The following PFAS variants were observed in gnomAD, a reference collection of about 807,000 sequenced individuals.
The protein encoded by PFAS is phosphoribosylformylglycinamidine synthase, also known as FGAM synthase.
Under a neutral mutation model 140.6 loss-of-function variants are expected in PFAS, and 97 were observed. That is an observed-to-expected ratio of 0.69 (90% CI 0.59 to 0.82). PFAS has a LOEUF of 0.82. PFAS is among the 40% of genes least tolerant of loss of function. PFAS has a pLI of 0.00. For synonymous variants in PFAS, 679 were observed against 718.8 expected (o/e 0.94, Z 0.88); for missense variants, 1,656 against 1,780.2 (o/e 0.93, Z 1.26).
chr17:8,254,417 A>G (rs963420777), intron 3 of PFAS, 116 bp downstream of exon 3: 42 of 1,198,276 alleles, frequency 3.5e-5, no homozygotes, highest in African/African-American at 1.2e-4. Flanking sequence ...GAAACCACAC[A>G]TGTGCTTTCC....
chr17:8,253,004 A>AT (rs1251170946), intron 1 of PFAS, among the ~76,000 whole-genome samples: 1 of 152,118 alleles, frequency 6.6e-6, no homozygotes, highest in East Asian at 1.9e-4. Flanking sequence ...TCATGACCTA[A>AT]TTACGTCCCA....
rs990178087 is a variant in PFAS, at chr17:8,268,609, C to A, written c.3459C>A (p.Phe1153Leu). The change falls in exon 27 of 28, where the codon TTC becomes TTA. Residue 1153 changes from phenylalanine to leucine, a missense_variant. Around this residue, in one of 2 missense-constraint regions of PFAS, gnomAD observed 883 missense variants for 1,023.0 expected, o/e 0.86. Coordinates refer to ENST00000314666, the MANE Select transcript of PFAS (RefSeq NM_012393.3). Reference sequence around the variant, plus strand: ...GCTTCCGGAAGCGGCCAGACACCTTCAGCCTGGGCGTGTGTAATGGCTGTC... The same window carrying A: ...GCTTCCGGAAGCGGCCAGACACCTTAAGCCTGGGCGTGTGTAATGGCTGTC... ...LRRFRKRPDT[F>L]SLGVCNGCQL... The A allele has an allele frequency of 1.2e-6, 2 of 1,613,644 alleles. No individual in the cohort carries two copies. Among genetic ancestry groups the A allele is most frequent in the Non-Finnish European group, 1.7e-6 (2 of 1,180,006 alleles).
chr17:8,260,588 C>T (rs1440011035), intron 11 of PFAS, among the ~76,000 whole-genome samples: 3 of 152,204 alleles, frequency 2.0e-5, no homozygotes, highest in Admixed American at 6.5e-5. Flanking sequence ...ATGCATAATG[C>T]TGCTATGAAC....
intron 26 of PFAS, among the ~76,000 whole-genome samples, chr17:8,268,049 AATATAT>A (rs373386097): frequency 0.2 from 26,956 of 135,296 alleles, 2,923 homozygotes; most frequent in Non-Finnish European, 0.24. Flanking sequence ...TATATTTTTA[AATATAT>A]ATATATATAT....
rs1479221287 is a variant in PFAS at position 8,263,898 on chromosome 17, C to T, written c.1753C>T (p.Pro585Ser). 1 of 1,613,926 alleles carries T rather than the reference C, an allele frequency of 6.2e-7. No homozygotes were observed. The highest frequency in any genetic ancestry group is 8.5e-7 in the Non-Finnish European group (1 of 1,179,994). ...TCATGTCAGTGCCCGTGAACGTTGCCCGGCTTGCTTCGTGGGCACCATCAC... is the reference window on the plus strand; with the variant it reads ...TCATGTCAGTGCCCGTGAACGTTGCTCGGCTTGCTTCGTGGGCACCATCAC... The part of the protein sequence containing the change: ...LTHVSARERC[P>S]ACFVGTITGD... Residue 585 changes from proline (P) to serine (S), a missense_variant, in exon 15 of 28, where the codon CCG becomes TCG. Physicochemically the swap from Pro to Ser is moderately conservative, Grantham distance 74. Transcript: ENST00000314666.
At chr17:8,252,497 G>A (rs547052049) in intron 1 of PFAS, among the ~76,000 whole-genome samples, 38 of 148,476 alleles carry the variant, frequency 2.6e-4, no homozygotes, top group African/African-American at 8.7e-4. Flanking sequence ...TCCGCCTCCC[G>A]GGTTCGAGTG....
Position 8,263,885 on chromosome 17 carries a change from C to T in PFAS, c.1740C>T (p.Ala580=). Residue 580 remains alanine (A), a synonymous_variant, in exon 15 of 28, where the codon GCC becomes GCT. Transcript: ENST00000314666. The part of the protein sequence containing the change: ...PNRDFLTHVS[A]RERCPACFVG... ...GGGACTTCCTGACTCATGTCAGTGC[C>T]CGTGAACGTTGCCCGGCTTGCTTCG... 1 of 1,614,068 alleles carries T rather than the reference C, an allele frequency of 6.2e-7. No homozygotes were observed. Among genetic ancestry groups the T allele is most frequent in the South Asian group, 1.1e-5 (1 of 91,080 alleles).
At position 8,263,154 on chromosome 17, in the gene PFAS, C is replaced by T. The variant is rs765550794; in HGVS notation, c.1456C>T (p.Arg486Ter). ...TGACCTGGACTTTGGGGCTGTGCAGCGAGGAGACCCGGAGATGGAACAGAA... is the reference window on the plus strand; with the variant it reads ...TGACCTGGACTTTGGGGCTGTGCAGTGAGGAGACCCGGAGATGGAACAGAA... ...TSDLDFGAVQRGDPEMEQKMN... is the reference protein window; with the variant it reads ...TSDLDFGAVQ Residue 486 changes from arginine to a stop codon, truncating the protein, a stop_gained, in exon 13 of 28, where the codon CGA becomes TGA. Transcript: ENST00000314666. LOFTEE classifies it high-confidence loss of function. 5.0e-6 allele frequency: 8 copies of T among 1,613,672 alleles called. No individual in the cohort carries two copies. The highest frequency in any genetic ancestry group is 2.2e-5 in the East Asian group (1 of 44,898).
rs1230602702 is a variant in PFAS, at chr17:8,265,094, A to G, written c.2249A>G (p.Asn750Ser). ...CTGGCCGTGGCCGAAGCCCTCACCA[A>G]CCTGGTGTTTGCTCTGGTCACTGAC... is the stretch of plus-strand genomic sequence containing the variant. ...ARLAVAEALT[N>S]LVFALVTDLR... is the part of the protein sequence containing the mutation. The change falls in exon 18 of 28, where the codon AAC (asparagine) becomes AGC (serine). Residue 750 changes from asparagine to serine, a missense_variant. Transcript: ENST00000314666. 3.1e-6 allele frequency: 5 copies of G among 1,612,958 alleles called. No homozygotes were observed. Among genetic ancestry groups the G allele is most frequent in the Middle Eastern group, 1.7e-4 (1 of 6,060 alleles).
At chr17:8,263,971 G>A in intron 15 of PFAS, 35 bp downstream of exon 15, 1 of 1,606,454 alleles carries the variant, frequency 6.2e-7, no homozygotes, top group Non-Finnish European at 8.5e-7. Flanking sequence ...GCAAACACTG[G>A]GGCAGACATG....
intron 15 of PFAS, 108 bp downstream of exon 15, chr17:8,264,044 G>C: frequency 6.8e-7 from 1 of 1,473,132 alleles, no homozygotes; most frequent in African/African-American, 1.4e-5. Context: ...GAAGATGGGA[G>C]GTAGTGGCAA....
chr17:8,256,757 C>T, intron 8 of PFAS, 78 bp from the exon 9 acceptor site: 1 of 1,553,368 alleles, frequency 6.4e-7, no homozygotes, highest in Non-Finnish European at 8.7e-7. Context: ...ATTGGTTGTC[C>T]TTATTTTCAG....
chr17:8,264,971 C>G lies in PFAS; in HGVS notation c.2126C>G (p.Ala709Gly). The G allele has an allele frequency of 6.2e-7, 1 of 1,612,570 alleles. No individual in the cohort carries two copies. The highest frequency in any genetic ancestry group is 8.5e-7 in the Non-Finnish European group (1 of 1,179,268). Residue 709 changes from alanine (A) to glycine (G), a missense_variant, in exon 18 of 28, where the codon GCG becomes GGG. Transcript: ENST00000314666. Reference protein sequence around the residue: ...GPLQTPLADVAVVALSHEELI... With the variant: ...GPLQTPLADVGVVALSHEELI... ...CTGCAAACTCCTCTGGCAGATGTAGCGGTTGTGGCACTGAGCCATGAGGAG... is the reference window on the plus strand; with the variant it reads ...CTGCAAACTCCTCTGGCAGATGTAGGGGTTGTGGCACTGAGCCATGAGGAG...
At chr17:8,260,970 A>G (rs1035105019) in intron 11 of PFAS, among the ~76,000 whole-genome samples, 12 of 152,076 alleles carry the variant, frequency 7.9e-5, no homozygotes, top group African/African-American at 2.9e-4. Context: ...TCTCCCAGGT[A>G]TATAACTAGG....
Position 8,256,263 on chromosome 17 carries a change from G to A in PFAS, c.681-4G>A. 2 of 1,613,640 alleles carry A rather than the reference G, an allele frequency of 1.2e-6. No individual in the cohort carries two copies. Among genetic ancestry groups the A allele is most frequent in the Non-Finnish European group, 1.7e-6 (2 of 1,179,894 alleles). On this transcript the variant is annotated splice_polypyrimidine_tract_variant and splice_region_variant and intron_variant, in intron 6 of 27. Coordinates refer to ENST00000314666, the MANE Select transcript of PFAS (RefSeq NM_012393.3). ...CCTTCCCCTCCCTGCATCGCCCCCT[G>A]CAGCGAGCACAGCCGACACTGGTTC... is the stretch of plus-strand genomic sequence containing the variant.
intron 26 of PFAS, 145 bp from the exon 27 acceptor site, chr17:8,268,388 A>AT: frequency 1.6e-6 from 1 of 611,644 alleles, no homozygotes; most frequent in Non-Finnish European, 2.8e-6. Context: ...AAAAAAAAAA[A>AT]GAAAGAAGGA....
At chr17:8,268,892 G>T in intron 27 of PFAS, 36 bp downstream of exon 27, 1 of 1,611,972 alleles carries the variant, frequency 6.2e-7, no homozygotes, top group Non-Finnish European at 8.5e-7. Context: ...GGGCCCGAGG[G>T]TTGGGGGCAA....
intron 4 of PFAS, 56 bp downstream of exon 4, chr17:8,255,188 C>A: frequency 2.3e-6 from 3 of 1,306,222 alleles, no homozygotes; most frequent in African/African-American, 1.4e-5. Context: ...AGATTAGATC[C>A]TAAGCTCTAG....
chr17:8,265,820 C>T (rs113818338), intron 20 of PFAS, 42 bp from the exon 21 acceptor site: 27,501 of 1,537,822 alleles, frequency 0.018, 311 homozygotes, highest in South Asian at 0.036. Flanking sequence ...GATGGGTCCT[C>T]CTGAGCTGTT....
Sources: allele counts gnomAD v4.1 joint callset (sites outside exome capture counted in the v4.1 genomes callset), GRCh38; gene constraint gnomAD v4.1.1; regional missense constraint gnomAD v4.1.1; transcripts MANE v1.5; gene names NCBI Gene and HGNC (gene_info 2026-07-23, HGNC 2026-07-21).